The following ARHGAP31 variants were observed in gnomAD, a reference collection of about 807,000 sequenced individuals.
ARHGAP31 encodes the protein rho GTPase-activating protein 31.
Under a neutral mutation model 113.9 loss-of-function variants are expected in ARHGAP31, and 34 were observed. The ratio of observed to expected loss-of-function variants is 0.30; its 90% CI spans 0.23 to 0.40. The LOEUF is 0.40. Among genes scored for constraint, ARHGAP31 ranks in the 10% least tolerant of loss-of-function variants. ARHGAP31 has a pLI of 1.00. For missense variants in ARHGAP31, 1,548 were observed against 1,767.1 expected (o/e 0.88, Z 2.22); for synonymous variants, 650 against 684.8 (o/e 0.95, Z 0.79).
chr3:119,361,796 A>G (rs2080209480), intron 1 of ARHGAP31, among the ~76,000 whole-genome samples: 1 of 152,226 alleles, frequency 6.6e-6, no homozygotes, highest in South Asian at 2.1e-4. Flanking sequence ...GGATGATTAC[A>G]CAGAGATTGA....
At chr3:119,340,338 G>A in intron 1 of ARHGAP31, among the ~76,000 whole-genome samples, 1 of 152,206 alleles carries the variant, frequency 6.6e-6, no homozygotes, top group East Asian at 1.9e-4. Context: ...GCCAATGGCT[G>A]TCTCTTAAAG....
intron 1 of ARHGAP31, among the ~76,000 whole-genome samples, chr3:119,312,154 G>A (rs2079688631): frequency 1.3e-5 from 2 of 152,212 alleles, no homozygotes; most frequent in South Asian, 4.1e-4. Flanking sequence ...AAGCTCACAA[G>A]AGCCACGTTT....
At chr3:119,398,122 C>A (rs1419927648) in intron 8 of ARHGAP31, among the ~76,000 whole-genome samples, 1 of 151,790 alleles carries the variant, frequency 6.6e-6, no homozygotes, top group Non-Finnish European at 1.5e-5. Flanking sequence ...TTTAAATTAG[C>A]CAGGTTTGTT....
chr3:119,337,250 T>G (rs565761784), intron 1 of ARHGAP31, among the ~76,000 whole-genome samples: 8 of 152,324 alleles, frequency 5.3e-5, no homozygotes, highest in African/African-American at 1.9e-4. Context: ...TGCTTCCTTC[T>G]GGTGGGTTCA....
At chr3:119,378,100 A>G (rs2080364254) in intron 3 of ARHGAP31, among the ~76,000 whole-genome samples, 1 of 152,164 alleles carries the variant, frequency 6.6e-6, no homozygotes, top group African/African-American at 2.4e-5. Flanking sequence ...AAAAGAACAA[A>G]TAGTCACAGA....
At chr3:119,297,674 G>A (rs1373805156) in intron 1 of ARHGAP31, among the ~76,000 whole-genome samples, 1 of 152,224 alleles carries the variant, frequency 6.6e-6, no homozygotes, top group African/African-American at 2.4e-5. Context: ...TGAACATGGG[G>A]ACGCCACATG....
At chr3:119,383,040 G>A in intron 5 of ARHGAP31, 44 bp from the exon 6 acceptor site, 1 of 1,612,852 alleles carries the variant, frequency 6.2e-7, no homozygotes, top group Non-Finnish European at 8.5e-7. Flanking sequence ...GCTTCAGGTT[G>A]TAAGGCAAAC....
At chr3:119,333,617 TC>T (rs2079916037) in intron 1 of ARHGAP31, among the ~76,000 whole-genome samples, 1 of 152,308 alleles carries the variant, frequency 6.6e-6, no homozygotes, top group South Asian at 2.1e-4. Context: ...AATCCGTGCC[TC>T]CCCACACTTT....
intron 4 of ARHGAP31, 143 bp downstream of exon 4, chr3:119,381,129 G>C: frequency 1.3e-6 from 1 of 792,026 alleles, no homozygotes; most frequent in Non-Finnish European, 2.2e-6. Flanking sequence ...TTGGTGAACA[G>C]GTCACTATTA....
intron 1 of ARHGAP31, among the ~76,000 whole-genome samples, chr3:119,347,656 C>T (rs1220340366): frequency 6.6e-6 from 1 of 152,194 alleles, no homozygotes; most frequent in Non-Finnish European, 1.5e-5. Context: ...GCTCCCAGGA[C>T]AGGCTGTTGT....
At chr3:119,365,776 A>G (rs906160804) in intron 2 of ARHGAP31, among the ~76,000 whole-genome samples, 1 of 152,356 alleles carries the variant, frequency 6.6e-6, no homozygotes, top group Non-Finnish European at 1.5e-5. Context: ...CAGTTAGACT[A>G]GGTTCCTGTT....
At chr3:119,313,299 C>A (rs2079698773) in intron 1 of ARHGAP31, among the ~76,000 whole-genome samples, 1 of 152,118 alleles carries the variant, frequency 6.6e-6, no homozygotes, top group Non-Finnish European at 1.5e-5. Context: ...TATATACAAG[C>A]AAATATACAT....
chr3:119,407,790 G>C (rs2080677279), intron 10 of ARHGAP31, among the ~76,000 whole-genome samples: 1 of 152,196 alleles, frequency 6.6e-6, no homozygotes, highest in Non-Finnish European at 1.5e-5. Context: ...CTGGCAGGGG[G>C]ACTGGTAGAG....
rs186844680 is a variant in ARHGAP31 at position 119,347,460 on chromosome 3, A to G, written c.101-17856A>G. On this transcript the variant is annotated intron_variant, in intron 1 of 11. Coordinates refer to ENST00000264245, the MANE Select transcript of ARHGAP31 (RefSeq NM_020754.4). Reference sequence around the variant, plus strand: ...TCTTGGAAATCAGGGAAGGCTTCCCAGAGGAGGTGACCAGGAGATGGGTCA... The same window carrying G: ...TCTTGGAAATCAGGGAAGGCTTCCCGGAGGAGGTGACCAGGAGATGGGTCA... Among the ~76,000 whole-genome samples the G allele has an allele frequency of 1.8e-3, 276 of 152,362 alleles. 2 individuals are homozygous for G. The highest frequency in any genetic ancestry group is 4.8e-3 in the Admixed American group (74 of 15,308).
chr3:119,299,555 C>T (rs745318551), intron 1 of ARHGAP31, among the ~76,000 whole-genome samples: 8 of 152,082 alleles, frequency 5.3e-5, no homozygotes, highest in Admixed American at 1.3e-4. Context: ...GATAAGGCAA[C>T]GGGAACTTTT....
intron 1 of ARHGAP31, among the ~76,000 whole-genome samples, chr3:119,325,560 T>C (rs2079833212): frequency 6.8e-6 from 1 of 147,700 alleles, no homozygotes; most frequent in Non-Finnish European, 1.5e-5. Flanking sequence ...TATGGGCCAG[T>C]CCCAGAGCCT....
chr3:119,364,107 C>T (rs151171515), intron 1 of ARHGAP31, among the ~76,000 whole-genome samples: 1 of 152,070 alleles, frequency 6.6e-6, no homozygotes, highest in Non-Finnish European at 1.5e-5. Context: ...GAGAGAACAG[C>T]ACAGCCAGAC....
chr3:119,301,588 G>A (rs550669737), intron 1 of ARHGAP31, among the ~76,000 whole-genome samples: 2 of 152,288 alleles, frequency 1.3e-5, no homozygotes, highest in African/African-American at 2.4e-5. Context: ...AACACATTCC[G>A]AATTCCAAAA....
At chr3:119,321,246 C>T (rs1198531164) in intron 1 of ARHGAP31, among the ~76,000 whole-genome samples, 1 of 131,156 alleles carries the variant, frequency 7.6e-6, no homozygotes, top group Non-Finnish European at 1.7e-5. Context: ...CGGTGATTTC[C>T]TATTCAGCAG....
Sources: gnomAD v4.1 joint callset for allele counts (sites outside exome capture counted in the v4.1 genomes callset) on GRCh38, gnomAD v4.1.1 for gene constraint, MANE v1.5 for transcripts, NCBI Gene and HGNC (gene_info 2026-07-23, HGNC 2026-07-21) for gene names.